Variants in EPHA6 observed in about 807,000 individuals in gnomAD.
EPHA6 encodes EPH receptor A6.
Under a neutral mutation model 112.0 loss-of-function variants are expected in EPHA6, and 50 were observed. The observed-to-expected ratio is 0.45, with a 90% CI of 0.36 to 0.56. The LOEUF is 0.56. Among genes scored for constraint, EPHA6 ranks in the 20% least tolerant of loss-of-function variants. The pLI is 0.00. For synonymous variants in EPHA6, 529 were observed against 490.7 expected, an observed-to-expected ratio of 1.08 and a Z score of -1.03; for missense variants, 1,280 against 1,417.4, an observed-to-expected ratio of 0.90 and a Z score of 1.56.
chr3:97,678,588 C>A (rs953034420), intron 14 of EPHA6, among the ~76,000 whole-genome samples: 1 of 152,062 alleles, frequency 6.6e-6, no homozygotes, highest in African/African-American at 2.4e-5. Context: ...GCAGAGAATC[C>A]TAGAAAGGTG....
intron 5 of EPHA6, among the ~76,000 whole-genome samples, chr3:97,295,363 G>T (rs1443721296): frequency 6.6e-6 from 1 of 151,650 alleles, no homozygotes; most frequent in Non-Finnish European, 1.5e-5. Context: ...TATTTTTGAA[G>T]CTCTAAATGT....
At position 97,434,539 on chromosome 3, in the gene EPHA6, C is replaced by T. The variant is rs927632295; in HGVS notation, c.1732-14029C>T. Among the ~76,000 whole-genome samples, 5 of 152,036 alleles carry T rather than the reference C, an allele frequency of 3.3e-5. No individual in the cohort carries two copies. The East Asian group carries it at 9.6e-4, about 29-fold the overall frequency. ...AGTTTTGTGTGTGAAGGCAAAATAG[C>T]ATCAGCCAATCTAGTGACAAAAAAA... On this transcript the variant is annotated intron_variant, in intron 6 of 17. Transcript: ENST00000389672.
chr3:97,001,086 G>A (rs536844122), intron 3 of EPHA6, among the ~76,000 whole-genome samples: 13 of 148,690 alleles, frequency 8.7e-5, no homozygotes, highest in East Asian at 1.9e-4. Flanking sequence ...GATATAAACC[G>A]AACTAAGTAT....
At chr3:97,609,230 T>C (rs1360847886) in intron 12 of EPHA6, among the ~76,000 whole-genome samples, 2 of 151,392 alleles carry the variant, frequency 1.3e-5, no homozygotes. Flanking sequence ...GAATCCATCA[T>C]CATTCAAAAT....
chr3:97,604,669 A>T (rs2107429125), intron 12 of EPHA6, among the ~76,000 whole-genome samples: 1 of 151,764 alleles, frequency 6.6e-6, no homozygotes, highest in African/African-American at 2.4e-5. Flanking sequence ...GTAGAACATG[A>T]TATTATTCTC....
At chr3:97,426,993 C>G (rs1376587079) in intron 6 of EPHA6, among the ~76,000 whole-genome samples, 1 of 152,134 alleles carries the variant, frequency 6.6e-6, no homozygotes, top group South Asian at 2.1e-4. Flanking sequence ...AAATGAGATA[C>G]TATCTCACAC....
chr3:97,072,481 C>G (rs1383588801), intron 3 of EPHA6, among the ~76,000 whole-genome samples: 1 of 151,978 alleles, frequency 6.6e-6, no homozygotes, highest in Non-Finnish European at 1.5e-5. Flanking sequence ...TTATCACAGC[C>G]GTTAGAAGGC....
intron 12 of EPHA6, among the ~76,000 whole-genome samples, chr3:97,600,215 G>A (rs1449012941): frequency 4.7e-5 from 7 of 149,878 alleles, no homozygotes; most frequent in Non-Finnish European, 1.0e-4. Context: ...TCTGCAAACA[G>A]GGACAATTTG....
chr3:97,169,701 G>C (rs916760131), intron 3 of EPHA6, among the ~76,000 whole-genome samples: 2 of 151,984 alleles, frequency 1.3e-5, no homozygotes, highest in Non-Finnish European at 2.9e-5. Context: ...TTTATGTATT[G>C]ATTCTTGTCT....
intron 2 of EPHA6, among the ~76,000 whole-genome samples, chr3:96,984,413 A>G (rs935708403): frequency 7.9e-5 from 12 of 152,140 alleles, no homozygotes; most frequent in African/African-American, 2.4e-4. Flanking sequence ...TTCCTCTGGA[A>G]GCTTCATCTC....
intron 5 of EPHA6, among the ~76,000 whole-genome samples, chr3:97,381,792 A>C (rs754423463): frequency 3.6e-4 from 54 of 152,092 alleles, no homozygotes; most frequent in Non-Finnish European, 6.5e-4. Context: ...AAATTAAAGA[A>C]ACTTTTAGTC....
In EPHA6 at chr3:97,324,841, A is replaced by G. The variant is rs535143445; in HGVS notation, c.1607-80309A>G. Among the ~76,000 whole-genome samples the G allele has an allele frequency of 2.6e-5, 4 of 152,160 alleles. No individual in the cohort carries two copies. The East Asian group carries it at 7.7e-4, about 29-fold the overall frequency. Reference sequence around the variant, plus strand: ...AGACGTGAGCCACTGTGCACAGCCCAGATTCTAAGTTTTTTAAAGAAAAAT... The same window carrying G: ...AGACGTGAGCCACTGTGCACAGCCCGGATTCTAAGTTTTTTAAAGAAAAAT... On this transcript the variant is annotated intron_variant, in intron 5 of 17. Transcript: ENST00000389672.
intron 10 of EPHA6, among the ~76,000 whole-genome samples, chr3:97,513,223 G>T (rs544141202): frequency 6.6e-6 from 1 of 152,252 alleles, no homozygotes; most frequent in East Asian, 1.9e-4. Flanking sequence ...TGCAGCCATG[G>T]TAGACAACAG....
At chr3:96,983,448 G>T (rs2042892101) in intron 2 of EPHA6, among the ~76,000 whole-genome samples, 1 of 152,186 alleles carries the variant, frequency 6.6e-6, no homozygotes, top group Admixed American at 6.5e-5. Context: ...GTTTCCCTTT[G>T]TGGGTAATGT....
rs1354842267 is a variant in EPHA6 at position 97,758,915 on chromosome 3, G to C, written c.*10214G>C. On this transcript the variant is annotated 3_prime_UTR_variant, in exon 18 of 18. Coordinates refer to ENST00000389672, the MANE Select transcript of EPHA6 (RefSeq NM_001080448.3). Reference sequence around the variant, plus strand: ...GAGGCAAAAAGAGGAGAAGGTATACGCATGAGGCTACTGGAGTAATTCCAG... The same window carrying C: ...GAGGCAAAAAGAGGAGAAGGTATACCCATGAGGCTACTGGAGTAATTCCAG... Among the ~76,000 whole-genome samples the C allele has an allele frequency of 6.6e-6, 1 of 151,952 alleles. No individual in the cohort carries two copies. Among genetic ancestry groups the C allele is most frequent in the African/African-American group, 2.4e-5 (1 of 41,424 alleles).
At chr3:96,936,072 C>T (rs1205120486) in intron 2 of EPHA6, among the ~76,000 whole-genome samples, 1 of 152,016 alleles carries the variant, frequency 6.6e-6, no homozygotes, top group African/African-American at 2.4e-5. Context: ...AAGAGACCAC[C>T]TCACCAGAAC....
chr3:97,210,883 G>T (rs1157888880), intron 3 of EPHA6, among the ~76,000 whole-genome samples: 1 of 152,124 alleles, frequency 6.6e-6, no homozygotes, highest in East Asian at 1.9e-4. Context: ...ATTCTAGATG[G>T]GTCCCTCACT....
intron 13 of EPHA6, chr3:97,612,424 CA>C (rs1218546866): frequency 7.2e-6 from 3 of 418,274 alleles, no homozygotes; most frequent in Non-Finnish European, 1.5e-5. Flanking sequence ...AGCAGATATT[CA>C]ATCTAAATTG....
Position 97,244,151 on chromosome 3 carries a change from C to T in EPHA6, c.1470C>T (p.Ile490=), listed in dbSNP as rs777518741. 1.2e-6 allele frequency: 2 copies of T among 1,612,976 alleles called. No homozygotes were observed. The highest frequency in any genetic ancestry group is 1.3e-5 in the African/African-American group (1 of 74,860). Residue 490 remains isoleucine (I), a synonymous_variant, in exon 5 of 18, where the codon ATC becomes ATT. Coordinates refer to ENST00000389672, the MANE Select transcript of EPHA6 (RefSeq NM_001080448.3). ...TCATCCCAAGACATACAGGCCTGAT[C>T]AACAATTCCGTGATAGTACTTGACT... ...LRFIPRHTGL[I]NNSVIVLDFV...
Sources: gnomAD v4.1 joint callset for allele counts (sites outside exome capture counted in the v4.1 genomes callset) on GRCh38, gnomAD v4.1.1 for gene constraint, MANE v1.5 for transcripts, NCBI Gene and HGNC (gene_info 2026-07-23, HGNC 2026-07-21) for gene names.